Variants in SEC22C observed in about 807,000 individuals in gnomAD.
The protein encoded by SEC22C is SEC22 homolog C, vesicle trafficking protein.
Under a neutral mutation model 34.7 loss-of-function variants are expected in SEC22C, and 29 were observed. The observed-to-expected ratio is 0.84, with a 90% CI of 0.62 to 1.14. The LOEUF (loss-of-function observed/expected upper bound fraction) is 1.14. Ranked by LOEUF, SEC22C falls within the 50% of genes most tolerant of loss-of-function variation. SEC22C has a pLI of 0.00. For missense variants in SEC22C, 337 were observed against 369.0 expected, an observed-to-expected ratio of 0.91 and a Z score of 0.71; for synonymous variants, 117 against 132.8, an observed-to-expected ratio of 0.88 and a Z score of 0.82.
At position 42,563,983 on chromosome 3, in the gene SEC22C, A is replaced by G. The variant is rs551062371; in HGVS notation, c.183-297T>C. 2.1e-5 allele frequency: 26 copies of G among 1,267,670 alleles called. 1 individual carries two copies. The South Asian group carries it at 3.5e-4, about 17-fold the overall frequency. The allele number at this position is 1,267,670 out of a possible 1,614,324, so 78.5% of individuals were successfully genotyped here. ...ATTAGCCTCAGACTTCTCCACATCT[A>G]TTGAGAAAACGTTTTTCTTCTTTAA... On this transcript the variant is annotated intron_variant, in intron 2 of 6. Coordinates refer to ENST00000264454, the MANE Select transcript of SEC22C (RefSeq NM_032970.4).
In SEC22C at chr3:42,549,159, G is replaced by A; in HGVS notation, c.*4089C>T. 2 of 991,758 alleles carry A rather than the reference G, an allele frequency of 2.0e-6. No individual in the cohort carries two copies. Among genetic ancestry groups the A allele is most frequent in the East Asian group, 2.2e-4 (2 of 9,188 alleles). The allele number at this position is 991,758 out of a possible 1,614,324, so 61.4% of individuals were successfully genotyped here. On this transcript the variant is annotated 3_prime_UTR_variant, in exon 7 of 7. Transcript: ENST00000264454. Reference sequence around the variant, plus strand: ...CATTATTAACACTCACAGGGCACAGGTAGAGCGTCCCCAGACCTGTGCAAT... The same window carrying A: ...CATTATTAACACTCACAGGGCACAGATAGAGCGTCCCCAGACCTGTGCAAT...
intron 1 of SEC22C, among the ~76,000 whole-genome samples, chr3:42,570,366 T>C (rs1703543090): frequency 6.6e-6 from 1 of 152,224 alleles, no homozygotes; most frequent in South Asian, 2.1e-4. Context: ...CTCTTTGTTC[T>C]CTATTTTACT....
intron 2 of SEC22C, chr3:42,565,683 A>G: frequency 3.3e-6 from 1 of 306,400 alleles, no homozygotes; most frequent in South Asian, 2.7e-5. Flanking sequence ...AAGCCAAGGA[A>G]AACCAAGGAT....
upstream of SEC22C, among the ~76,000 whole-genome samples, chr3:42,583,950 G>C (rs1434628793): frequency 2.0e-5 from 3 of 152,220 alleles, no homozygotes; most frequent in Non-Finnish European, 4.4e-5. Flanking sequence ...TGGACTGGGA[G>C]ATACACCATT....
chr3:42,581,591 C>T (rs1392327289), intron 1 of SEC22C, among the ~76,000 whole-genome samples: 3 of 152,292 alleles, frequency 2.0e-5, no homozygotes, highest in African/African-American at 7.2e-5. Flanking sequence ...TGGCGCCCAT[C>T]TGTCAGCCCA....
At chr3:42,586,310 C>T (rs140950040), upstream of SEC22C, among the ~76,000 whole-genome samples, 62 of 152,294 alleles carry the variant, frequency 4.1e-4, 1 homozygote, top group East Asian at 3.9e-3. Context: ...GCAACCTCTG[C>T]CTGCCGGATT....
chr3:42,572,218 C>CAAA (rs540416562), intron 1 of SEC22C, among the ~76,000 whole-genome samples: 2 of 81,730 alleles, frequency 2.4e-5, no homozygotes, highest in Admixed American at 1.5e-4. Flanking sequence ...GGGTACAGAC[C>CAAA]AAAAAAAAAA....
Position 42,548,933 on chromosome 3 carries a change from A to C in SEC22C, c.*4315T>G. On this transcript the variant is annotated 3_prime_UTR_variant, in exon 7 of 7. Transcript: ENST00000264454. ...GTATTACCCTCCACTACCACTTTTG[A>C]CCCTCATAACAGCACCCTGGCGGGG... 8.1e-7 allele frequency: 1 copy of C among 1,241,092 alleles called. No individual in the cohort carries two copies. Among genetic ancestry groups the C allele is most frequent in the South Asian group, 2.7e-5 (1 of 37,648 alleles). The allele number at this position is 1,241,092 out of a possible 1,614,324, so 76.9% of individuals were successfully genotyped here. A position where few individuals can be genotyped will look rare whatever the true frequency, so the allele number is the denominator to read the frequency against.
chr3:42,591,141 C>T, intron 1 of SEC22C: 2 of 687,872 alleles, frequency 2.9e-6, no homozygotes, highest in Non-Finnish European at 5.0e-6. Context: ...GGGGCAGGAC[C>T]CCGGCATGGG....
chr3:42,564,106 C>T, intron 2 of SEC22C: 1 of 387,400 alleles, frequency 2.6e-6, no homozygotes, highest in Non-Finnish European at 4.5e-6. Flanking sequence ...CATACAACTG[C>T]TGGATTTAGT....
intron 2 of SEC22C, among the ~76,000 whole-genome samples, chr3:42,566,202 A>C (rs1438324975): frequency 6.6e-6 from 1 of 152,176 alleles, no homozygotes; most frequent in Admixed American, 6.5e-5. Context: ...AAACATCCAG[A>C]GCCCACATCA....
At chr3:42,565,897 A>C in intron 2 of SEC22C, 1 of 456,122 alleles carries the variant, frequency 2.2e-6, no homozygotes. Context: ...TAAGAAAAGA[A>C]AGTCTATTTC....
chr3:42,594,571 C>A (rs1279015755), intron 1 of SEC22C: 1 of 1,396,840 alleles, frequency 7.2e-7, no homozygotes, highest in Non-Finnish European at 1.0e-6. Context: ...TGAATGTAAT[C>A]CATCTCTTAC....
At chr3:42,581,105 T>C (rs896904505) in intron 1 of SEC22C, among the ~76,000 whole-genome samples, 7 of 152,258 alleles carry the variant, frequency 4.6e-5, no homozygotes, top group African/African-American at 7.2e-5. Context: ...TTTAATTCTA[T>C]CTGGCAACGT....
At chr3:42,576,057 G>C (rs1285331387) in intron 1 of SEC22C, among the ~76,000 whole-genome samples, 2 of 151,476 alleles carry the variant, frequency 1.3e-5, no homozygotes, top group African/African-American at 2.4e-5. Flanking sequence ...ATAACAGAAA[G>C]GTAAAGAAAA....
chr3:42,549,450 G>A lies in SEC22C; in HGVS notation c.*3798C>T, dbSNP rs2125689416. 1.0e-6 allele frequency: 1 copy of A among 985,738 alleles called. No homozygotes were observed. The highest frequency in any genetic ancestry group is 1.2e-6 in the Non-Finnish European group (1 of 830,162). 61.1% of individuals were successfully genotyped at this position (985,738 alleles called of 1,614,324 possible). On this transcript the variant is annotated 3_prime_UTR_variant, in exon 7 of 7. Transcript: ENST00000264454. The stretch of plus-strand genomic sequence containing the variant: ...GGCAGCTGCTATCTTCCAGCAGAGA[G>A]AGAACCCCCAGCTCTGCTCCCTACC...
At chr3:42,560,707 T>C (rs1044356589) in intron 4 of SEC22C, among the ~76,000 whole-genome samples, 7 of 152,106 alleles carry the variant, frequency 4.6e-5, no homozygotes, top group Non-Finnish European at 8.8e-5. Context: ...CTCACAATCA[T>C]GGCTCGCTGC....
intron 1 of SEC22C, among the ~76,000 whole-genome samples, chr3:42,587,797 C>A (rs1209631306): frequency 6.6e-6 from 1 of 151,624 alleles, no homozygotes; most frequent in Admixed American, 6.6e-5. Flanking sequence ...TTAGGCCAGG[C>A]TCTGTGGCTC....
intron 1 of SEC22C, chr3:42,595,101 C>A (rs1425284533): frequency 6.6e-6 from 1 of 152,132 alleles, no homozygotes; most frequent in Admixed American, 6.5e-5. Context: ...ATACTATTAT[C>A]ATTGCCAACA....
Sources: gnomAD v4.1 joint callset for allele counts (sites outside exome capture counted in the v4.1 genomes callset) on GRCh38, gnomAD v4.1.1 for gene constraint, MANE v1.5 for transcripts, NCBI Gene and HGNC (gene_info 2026-07-23, HGNC 2026-07-21) for gene names.